OLFM3: variants seen among roughly 807,000 people sequenced by gnomAD.
OLFM3 encodes the protein noelin-3.
OLFM3 carries 20 observed loss-of-function variants against 48.6 expected under a neutral mutation model. The ratio of observed to expected loss-of-function variants is 0.41; its 90% confidence interval spans 0.29 to 0.60. The LOEUF (loss-of-function observed/expected upper bound fraction) is 0.60, where lower values mean the gene tolerates loss of function less well. OLFM3 is among the 20% of genes least tolerant of loss of function. OLFM3 has a pLI of 0.28. For synonymous variants in OLFM3, 222 were observed against 198.1 expected (o/e 1.12, Z -1.01); for missense variants, 437 against 544.3 (o/e 0.80, Z 1.96).
intron 4 of OLFM3, 139 bp downstream of exon 4, chr1:101,824,887 G>A: frequency 4.3e-6 from 3 of 698,984 alleles, no homozygotes; most frequent in Non-Finnish European, 7.3e-6. Context: ...AAGTCATTAG[G>A]GGACACTTCA....
intron 1 of OLFM3, among the ~76,000 whole-genome samples, chr1:101,896,898 G>A (rs1658229493): frequency 1.3e-5 from 2 of 152,016 alleles, no homozygotes; most frequent in African/African-American, 4.8e-5. Flanking sequence ...AAAACAACAA[G>A]TAATTGCAAA....
intron 1 of OLFM3, among the ~76,000 whole-genome samples, chr1:101,856,111 C>T (rs1417611168): frequency 6.6e-6 from 1 of 151,930 alleles, no homozygotes; most frequent in East Asian, 1.9e-4. Context: ...TATGTAGCAG[C>T]ATAGTTACAC....
At chr1:101,984,847 A>T (rs186045982) in intron 1 of OLFM3, among the ~76,000 whole-genome samples, 7 of 152,378 alleles carry the variant, frequency 4.6e-5, no homozygotes, top group South Asian at 2.1e-4. Flanking sequence ...CACATTAATA[A>T]GGTAATTACC....
chr1:101,877,870 G>T (rs1422118305), intron 1 of OLFM3, among the ~76,000 whole-genome samples: 1 of 150,920 alleles, frequency 6.6e-6, no homozygotes, highest in African/African-American at 2.4e-5. Context: ...TAATATCATT[G>T]TAATAAAGCC....
intron 1 of OLFM3, among the ~76,000 whole-genome samples, chr1:101,931,852 T>C (rs536688850): frequency 3.3e-5 from 5 of 152,234 alleles, no homozygotes; most frequent in Non-Finnish European, 1.5e-5. Context: ...GCCAGATAAA[T>C]GGAATCAAAA....
intron 1 of OLFM3, among the ~76,000 whole-genome samples, chr1:101,897,487 C>T (rs1658246804): frequency 6.6e-6 from 1 of 152,090 alleles, no homozygotes; most frequent in South Asian, 2.1e-4. Flanking sequence ...TTATAATGAT[C>T]TCTATTTACT....
At chr1:101,931,882 T>C (rs1659454090) in intron 1 of OLFM3, among the ~76,000 whole-genome samples, 2 of 152,160 alleles carry the variant, frequency 1.3e-5, no homozygotes, top group African/African-American at 2.4e-5. Flanking sequence ...CAATTTATCT[T>C]TGACAAAAAG....
intron 1 of OLFM3, among the ~76,000 whole-genome samples, chr1:101,874,786 C>T (rs115086289): frequency 1.8e-3 from 273 of 152,054 alleles, no homozygotes; most frequent in Non-Finnish European, 2.9e-3. Context: ...AAGGAGAAGG[C>T]AGATTATCTG....
chr1:101,827,231 T>A (rs991910498), intron 3 of OLFM3, among the ~76,000 whole-genome samples: 2 of 152,234 alleles, frequency 1.3e-5, no homozygotes, highest in Non-Finnish European at 2.9e-5. Flanking sequence ...AGTATAGTAG[T>A]TGGCATAAGC....
chr1:101,980,817 C>T (rs1236383689), intron 1 of OLFM3, among the ~76,000 whole-genome samples: 1 of 152,094 alleles, frequency 6.6e-6, no homozygotes, highest in Non-Finnish European at 1.5e-5. Context: ...CAGAAGAGAA[C>T]TGGGCTAACT....
At chr1:101,965,905 C>T (rs1660595860) in intron 1 of OLFM3, among the ~76,000 whole-genome samples, 1 of 152,150 alleles carries the variant, frequency 6.6e-6, no homozygotes, top group African/African-American at 2.4e-5. Flanking sequence ...ATGGGAGATA[C>T]TGGTAGAACA....
chr1:101,945,898 T>C (rs1440511281), intron 1 of OLFM3, among the ~76,000 whole-genome samples: 1 of 152,216 alleles, frequency 6.6e-6, no homozygotes, highest in Non-Finnish European at 1.5e-5. Context: ...ATAAATATTG[T>C]TATTATAATG....
chr1:101,835,766 GTGA>G (rs774970278), intron 2 of OLFM3, among the ~76,000 whole-genome samples: 1 of 152,152 alleles, frequency 6.6e-6, no homozygotes, highest in African/African-American at 2.4e-5. Context: ...GGGCCAATAG[GTGA>G]TGATAACTTC....
At chr1:101,895,818 C>A (rs1658178658) in intron 1 of OLFM3, among the ~76,000 whole-genome samples, 1 of 151,924 alleles carries the variant, frequency 6.6e-6, no homozygotes. Context: ...GAAAAACTTG[C>A]AAAATTTTCA....
chr1:101,950,727 A>G lies in OLFM3; in HGVS notation c.69+46021T>C, dbSNP rs375442624. ...CCAAAGTGCTGGGATTACAGGCGTG[A>G]GCCATTGCGCGCGGCCTTGTCTGTA... is the stretch of plus-strand genomic sequence containing the variant. On this transcript the variant is annotated intron_variant, in intron 1 of 5. Coordinates refer to ENST00000370103, the MANE Select transcript of OLFM3 (RefSeq NM_058170.4). Among the ~76,000 whole-genome samples, 57 of 152,248 alleles carry G rather than the reference A, an allele frequency of 3.7e-4. No homozygotes were observed. In the East Asian group the frequency reaches 9.3e-3, roughly 25 times the overall value.
intron 4 of OLFM3, among the ~76,000 whole-genome samples, chr1:101,821,945 A>G (rs889455677): frequency 6.6e-6 from 1 of 152,116 alleles, no homozygotes; most frequent in Non-Finnish European, 1.5e-5. Context: ...TCTTTCTAAC[A>G]TTGTGGCCCA....
At chr1:101,840,572 G>A (rs142616017) in intron 1 of OLFM3, among the ~76,000 whole-genome samples, 143 of 151,686 alleles carry the variant, frequency 9.4e-4, no homozygotes, top group African/African-American at 3.4e-3. Flanking sequence ...CTGAGTTCAA[G>A]TGATTCTCCC....
chr1:101,992,306 AAG>A lies in OLFM3; in HGVS notation c.69+4440_69+4441del, dbSNP rs530242137. 3.3e-5 allele frequency among the ~76,000 whole-genome samples: 5 copies of A among 152,336 alleles called. No individual in the cohort carries two copies. The South Asian group carries it at 1.0e-3, about 32-fold the overall frequency. On this transcript the variant is annotated intron_variant, in intron 1 of 5. Coordinates refer to ENST00000370103, the MANE Select transcript of OLFM3 (RefSeq NM_058170.4). ...TTAACTGTTTCTAGTTGCCAAGAGA[AAG>A]AGTGAGAAAGAATATTTACTTCTTC...
chr1:101,871,576 A>G (rs983187788), intron 1 of OLFM3, among the ~76,000 whole-genome samples: 10 of 152,098 alleles, frequency 6.6e-5, no homozygotes, highest in African/African-American at 2.2e-4. Flanking sequence ...CACAAATCCT[A>G]AAACAGTTGA....
Sources: allele counts gnomAD v4.1 joint callset (sites outside exome capture counted in the v4.1 genomes callset), GRCh38; gene constraint gnomAD v4.1.1; transcripts MANE v1.5; gene names NCBI Gene and HGNC (gene_info 2026-07-23, HGNC 2026-07-21).